Variants in DDTL observed in about 807,000 individuals in gnomAD.
DDTL encodes putative D-dopachrome decarboxylase-like protein.
A neutral mutation model predicts 1.1 loss-of-function variants in DDTL; 1 was observed. The observed-to-expected ratio is 0.91, with a 90% CI of 0.32 to 4.31. The LOEUF is 4.31. DDTL is among the 30% of genes most tolerant of loss of function. The probability of loss-of-function intolerance (pLI) is 0.17; values close to 1 mark genes in which losing one functional copy is unlikely to be tolerated. For missense variants in DDTL, 54 were observed against 48.9 expected, an observed-to-expected ratio of 1.10 and a Z score of -0.31; for synonymous variants, 21 against 16.6, an observed-to-expected ratio of 1.26 and a Z score of -0.64.
rs767444742 is a variant in DDTL, at chr22:23,971,446, T to C, written c.*40T>C. The C allele has an allele frequency of 6.2e-7, 1 of 1,608,694 alleles. No homozygotes were observed. Among genetic ancestry groups the C allele is most frequent in the Non-Finnish European group, 8.5e-7 (1 of 1,176,570 alleles). On this transcript the variant is annotated 3_prime_UTR_variant, in exon 3 of 3. Transcript: ENST00000215770. ...ATTATGTGATCACAGGAATGTTGCA[T>C]GCGGGATAATCCAAAGCTGGTTATC...
intron 2 of DDTL, chr22:23,969,162 C>T (rs2033855412): frequency 1.0e-6 from 1 of 984,886 alleles, no homozygotes; most frequent in African/African-American, 1.8e-5. Context: ...AGATAATCTC[C>T]ATTATGCCAA....
At position 23,972,170 on chromosome 22, in the gene DDTL, A is replaced by AT. The variant is rs2033919739; in HGVS notation, c.*766dup. The AT allele has an allele frequency of 1.0e-6, 1 of 967,664 alleles. No homozygotes were observed. Among genetic ancestry groups the AT allele is most frequent in the Non-Finnish European group, 1.2e-6 (1 of 813,940 alleles). 59.9% of individuals were successfully genotyped at this position (967,664 alleles called of 1,614,324 possible). A position where few individuals can be genotyped will look rare whatever the true frequency, so the allele number is the denominator to read the frequency against. The stretch of plus-strand genomic sequence containing the variant: ...TCATCATAAAATTGGCATAATGGAG[A>AT]TTATCTACCTCATGGGGATAGCATG... On this transcript the variant is annotated 3_prime_UTR_variant, in exon 3 of 3. Transcript: ENST00000215770.
rs755557553 is a variant in DDTL at position 23,971,394 on chromosome 22, T to C, written c.393T>C (p.Ile131=). 1.2e-6 allele frequency: 2 copies of C among 1,613,652 alleles called. No homozygotes were observed. The highest frequency in any genetic ancestry group is 1.3e-5 in the African/African-American group (1 of 75,014). The change falls in exon 3 of 3, where the codon ATT becomes ATC. Residue 131 remains isoleucine, a synonymous_variant. Coordinates refer to ENST00000215770, the MANE Select transcript of DDTL (RefSeq NM_001084393.2). ...KSCLNEEALF[I]YFI is the part of the protein sequence containing the mutation. ...GTTTGAATGAGGAAGCTCTCTTCAT[T>C]TATTTCATATGAGGATGAAGAAGAG...
chr22:23,970,035 C>T lies in DDTL; in HGVS notation c.285-1251C>T, dbSNP rs1255794429. Among the ~76,000 whole-genome samples the T allele has an allele frequency of 2.0e-5, 3 of 152,218 alleles. No individual in the cohort carries two copies. In the South Asian group the frequency reaches 6.2e-4, roughly 32 times the overall value. ...ACAGGGAAGGGTCCCTAGAAGTGAC[C>T]TTGAGTTGCACTTAGTGCTCTTGGC... On this transcript the variant is annotated intron_variant, in intron 2 of 2. Transcript: ENST00000215770.
In DDTL at chr22:23,971,647, A is replaced by G. The variant is rs1461027154; in HGVS notation, c.*241A>G. 2 of 1,596,450 alleles carry G rather than the reference A, an allele frequency of 1.3e-6. No individual in the cohort carries two copies. Among genetic ancestry groups the G allele is most frequent in the Non-Finnish European group, 1.7e-6 (2 of 1,165,160 alleles). On this transcript the variant is annotated 3_prime_UTR_variant, in exon 3 of 3. Transcript: ENST00000215770. ...TCCTTCAGGAGACAGAGAAAAAGAT[A>G]TCATCAGCTCCTTGGCTAATACCAC...
intron 2 of DDTL, chr22:23,969,409 CACAG>C: frequency 1.0e-6 from 1 of 985,814 alleles, no homozygotes; most frequent in Non-Finnish European, 1.2e-6. Context: ...CCCCTCAGCC[CACAG>C]ACTGACAGAG....
At chr22:23,969,646 C>T (rs923632799) in intron 2 of DDTL, 22 of 893,602 alleles carry the variant, frequency 2.5e-5, no homozygotes, top group African/African-American at 2.9e-5. Flanking sequence ...CAAAGTGCGA[C>T]CCCATCTCTA....
chr22:23,970,733 T>C (rs1395441746), intron 2 of DDTL, among the ~76,000 whole-genome samples: 2 of 152,146 alleles, frequency 1.3e-5, no homozygotes, highest in African/African-American at 4.8e-5. Context: ...CATGAGTGTG[T>C]AAGTGTGCAG....
At chr22:23,970,450 CG>C (rs971571234) in intron 2 of DDTL, among the ~76,000 whole-genome samples, 3 of 151,262 alleles carry the variant, frequency 2.0e-5, no homozygotes, top group African/African-American at 7.3e-5. Flanking sequence ...CTGTGTGTGA[CG>C]GGGAGTATGT....
chr22:23,971,111 C>A (rs778511780), intron 2 of DDTL, among the ~76,000 whole-genome samples, 175 bp from the exon 3 acceptor site: 3 of 152,196 alleles, frequency 2.0e-5, no homozygotes, highest in Non-Finnish European at 4.4e-5. Context: ...GTACAGAGGT[C>A]TGGTCCCATT....
At position 23,972,519 on chromosome 22, in the gene DDTL, G is replaced by A. The variant is rs1247713854; in HGVS notation, c.*1113G>A. ...CTATGTAAATAGTTGTATTGTTTAG[G>A]GAATAATGACAAGGAATAAAGTCTA... On this transcript the variant is annotated 3_prime_UTR_variant, in exon 3 of 3. Transcript: ENST00000215770. 3.9e-6 allele frequency: 1 copy of A among 255,492 alleles called. No homozygotes were observed. The highest frequency in any genetic ancestry group is 6.5e-6 in the Non-Finnish European group (1 of 153,686). The allele number at this position is 255,492 out of a possible 1,614,324, so 15.8% of individuals were successfully genotyped here.
chr22:23,969,375 C>T, intron 2 of DDTL: 5 of 984,950 alleles, frequency 5.1e-6, no homozygotes, highest in Non-Finnish European at 6.0e-6. Flanking sequence ...CTTAGGGAGT[C>T]TGCAATTAGG....
Position 23,971,422 on chromosome 22 carries a change from T to C in DDTL, c.*16T>C. 6.2e-7 allele frequency: 1 copy of C among 1,612,026 alleles called. No homozygotes were observed. The highest frequency in any genetic ancestry group is 1.1e-5 in the South Asian group (1 of 90,850). On this transcript the variant is annotated 3_prime_UTR_variant, in exon 3 of 3. Transcript: ENST00000215770. ...TTTCATATGAGGATGAAGAAGAGGA[T>C]TATGTGATCACAGGAATGTTGCATG...
intron 2 of DDTL, chr22:23,969,349 T>C: frequency 1.0e-6 from 1 of 985,430 alleles, no homozygotes; most frequent in Non-Finnish European, 1.2e-6. Context: ...AAAACAGGTG[T>C]CTGAGGTACT....
rs1023599530 is a variant in DDTL, at chr22:23,969,033, T to TA, written c.284+1473dup. On this transcript the variant is annotated intron_variant, in intron 2 of 2. Coordinates refer to ENST00000215770, the MANE Select transcript of DDTL (RefSeq NM_001084393.2). ...AAACTGTTACTCTAACAACAAGTGT[T>TA]ATACACTTACCATGTGCTAGGTCCT... 1.0e-4 allele frequency: 41 copies of TA among 408,946 alleles called. 4 individuals are homozygous for TA. The African/African-American group carries it at 1.6e-3, about 16-fold the overall frequency. 25.3% of individuals were successfully genotyped at this position (408,946 alleles called of 1,614,324 possible). A position where few individuals can be genotyped will look rare whatever the true frequency, so the allele number is the denominator to read the frequency against.
In DDTL at chr22:23,971,302, T is replaced by C; in HGVS notation, c.301T>C (p.Ser101Pro). The C allele has an allele frequency of 2.5e-6, 4 of 1,613,270 alleles. No homozygotes were observed. The highest frequency in any genetic ancestry group is 3.4e-6 in the Non-Finnish European group (4 of 1,179,712). The part of the protein sequence containing the change: ...LGQDRFPTVL[S>P]TSPAAHGGPR... ...CCCCTCCAGGTTCCCTACGGTCTTA[T>C]CCACCAGCCCTGCTGCCCATGGTGG... is the stretch of plus-strand genomic sequence containing the variant. The change falls in exon 3 of 3, where the codon TCC (serine) becomes CCC (proline). Residue 101 changes from serine to proline, a missense_variant. Physicochemically the swap from Ser to Pro is moderately conservative, Grantham distance 74. Coordinates refer to ENST00000215770, the MANE Select transcript of DDTL (RefSeq NM_001084393.2).
In DDTL at chr22:23,972,066, ACAG is replaced by A. The variant is rs2033916995; in HGVS notation, c.*663_*665del. The A allele has an allele frequency of 1.3e-5, 8 of 621,590 alleles. No homozygotes were observed. Among genetic ancestry groups the A allele is most frequent in the Non-Finnish European group, 1.6e-5 (8 of 497,450 alleles). The allele number at this position is 621,590 out of a possible 1,614,324, so 38.5% of individuals were successfully genotyped here. ...AGTGAACATGCCCCTCTCAGAGGTAACAGCAAGTTTCCAGTGAGGAAAACCAGA... is the reference window on the plus strand; with the variant it reads ...AGTGAACATGCCCCTCTCAGAGGTAACAAGTTTCCAGTGAGGAAAACCAGA... On this transcript the variant is annotated 3_prime_UTR_variant, in exon 3 of 3. Coordinates refer to ENST00000215770, the MANE Select transcript of DDTL (RefSeq NM_001084393.2).
chr22:23,971,501 T>C lies in DDTL; in HGVS notation c.*95T>C. Reference sequence around the variant, plus strand: ...GGCCCTCACTCTGCCAAGAGATCTCTCTGGAAGAAGCAGCCAGTTCACAGA... The same window carrying C: ...GGCCCTCACTCTGCCAAGAGATCTCCCTGGAAGAAGCAGCCAGTTCACAGA... On this transcript the variant is annotated 3_prime_UTR_variant, in exon 3 of 3. Coordinates refer to ENST00000215770, the MANE Select transcript of DDTL (RefSeq NM_001084393.2). 1 of 1,611,168 alleles carries C rather than the reference T, an allele frequency of 6.2e-7. No homozygotes were observed. Among genetic ancestry groups the C allele is most frequent in the Non-Finnish European group, 8.5e-7 (1 of 1,178,116 alleles).
rs2033919030 is a variant in DDTL, at chr22:23,972,138, T to C, written c.*732T>C. 1.1e-5 allele frequency: 11 copies of C among 981,114 alleles called. 1 individual carries two copies. Among genetic ancestry groups the C allele is most frequent in the South Asian group, 9.4e-5 (2 of 21,274 alleles). 60.8% of individuals were successfully genotyped at this position (981,114 alleles called of 1,614,324 possible). A position where few individuals can be genotyped will look rare whatever the true frequency, so the allele number is the denominator to read the frequency against. Reference sequence around the variant, plus strand: ...GGGGCGGGCGGGAGTATGAACAGCCTGTCTTCTCATCATAAAATTGGCATA... The same window carrying C: ...GGGGCGGGCGGGAGTATGAACAGCCCGTCTTCTCATCATAAAATTGGCATA... On this transcript the variant is annotated 3_prime_UTR_variant, in exon 3 of 3. Transcript: ENST00000215770.
Sources: gnomAD v4.1 joint callset for allele counts (sites outside exome capture counted in the v4.1 genomes callset) on GRCh38, gnomAD v4.1.1 for gene constraint, MANE v1.5 for transcripts, NCBI Gene and HGNC (gene_info 2026-07-23, HGNC 2026-07-21) for gene names.